SEC24B: variants seen among roughly 807,000 people sequenced by gnomAD.
SEC24B encodes SEC24 homolog B, COPII component.
A neutral mutation model predicts 142.8 loss-of-function variants in SEC24B; 45 were observed. The observed-to-expected ratio is 0.32, with a 90% CI of 0.25 to 0.40. The LOEUF (loss-of-function observed/expected upper bound fraction) is 0.40, where lower values mean the gene tolerates loss of function less well. Among genes scored for constraint, SEC24B ranks in the 10% least tolerant of loss-of-function variants. The pLI is 1.00. For synonymous variants in SEC24B, 574 were observed against 568.2 expected, an observed-to-expected ratio of 1.01 and a Z score of -0.15; for missense variants, 1,409 against 1,526.8, an observed-to-expected ratio of 0.92 and a Z score of 1.29.
chr4:109,511,020 A>G (rs1561156754), intron 8 of SEC24B, among the ~76,000 whole-genome samples: 1 of 152,072 alleles, frequency 6.6e-6, no homozygotes, highest in Non-Finnish European at 1.5e-5. Context: ...TGTGATAAGT[A>G]CCGTGAATTT....
chr4:109,528,426 A>G (rs950476605), intron 18 of SEC24B, among the ~76,000 whole-genome samples: 5 of 142,284 alleles, frequency 3.5e-5, no homozygotes, highest in African/African-American at 1.4e-4. Context: ...GTGAGACTGC[A>G]TCTCAAAAAA....
At chr4:109,521,396 A>T in intron 13 of SEC24B, 24 bp from the exon 14 acceptor site, 2 of 1,578,852 alleles carry the variant, frequency 1.3e-6, no homozygotes, top group Non-Finnish European at 1.7e-6. Context: ...TCAGTAATTC[A>T]ATTTTTGATC....
intron 1 of SEC24B, among the ~76,000 whole-genome samples, chr4:109,442,202 A>G (rs989302208): frequency 6.6e-6 from 1 of 152,068 alleles, no homozygotes; most frequent in Non-Finnish European, 1.5e-5. Context: ...GTGTATACTG[A>G]CCACTAAATG....
chr4:109,483,055 T>TA (rs1733969360), intron 4 of SEC24B, among the ~76,000 whole-genome samples: 1 of 115,088 alleles, frequency 8.7e-6, no homozygotes, highest in African/African-American at 6.9e-5. Flanking sequence ...TATTTATGTA[T>TA]TTATATATAT....
chr4:109,520,591 C>CT, intron 12 of SEC24B, 107 bp downstream of exon 12: 1 of 745,576 alleles, frequency 1.3e-6, no homozygotes, highest in Non-Finnish European at 2.4e-6. Context: ...ATGTCATGCA[C>CT]TTTAGTATTT....
rs777180153 is a variant in SEC24B at position 109,539,692 on chromosome 4, A to G, written c.*17A>G. ...TGTAAGTGAAGTAGAATAAAATTGA[A>G]TAAGAAAAAGATCTATAACCTAGGT... On this transcript the variant is annotated 3_prime_UTR_variant, in exon 24 of 24. Coordinates refer to ENST00000265175, the MANE Select transcript of SEC24B (RefSeq NM_006323.5). 4.6e-6 allele frequency: 7 copies of G among 1,513,442 alleles called. No individual in the cohort carries two copies. Among genetic ancestry groups the G allele is most frequent in the Middle Eastern group, 1.8e-4 (1 of 5,470 alleles). The allele number at this position is 1,513,442 out of a possible 1,614,324, so 93.8% of individuals were successfully genotyped here. A position where few individuals can be genotyped will look rare whatever the true frequency, so the allele number is the denominator to read the frequency against.
At chr4:109,473,730 A>C (rs1732775330) in intron 3 of SEC24B, among the ~76,000 whole-genome samples, 1 of 152,204 alleles carries the variant, frequency 6.6e-6, no homozygotes, top group Non-Finnish European at 1.5e-5. Flanking sequence ...AAAGGTAATA[A>C]AATGTGTTGT....
chr4:109,535,369 T>C (rs893520602), intron 22 of SEC24B, among the ~76,000 whole-genome samples: 37 of 151,738 alleles, frequency 2.4e-4, no homozygotes, highest in African/African-American at 8.0e-4. Flanking sequence ...CTGGCCAACA[T>C]GGTGAAACCC....
chr4:109,528,132 C>T (rs570891872), intron 18 of SEC24B, among the ~76,000 whole-genome samples: 2 of 152,226 alleles, frequency 1.3e-5, no homozygotes, highest in East Asian at 1.9e-4. Flanking sequence ...TGTGGTGGCT[C>T]ATGCCTGTAA....
At chr4:109,458,972 C>T (rs1263734052) in intron 1 of SEC24B, among the ~76,000 whole-genome samples, 2 of 151,830 alleles carry the variant, frequency 1.3e-5, no homozygotes, top group African/African-American at 2.4e-5. Flanking sequence ...TATTAAAATA[C>T]CAGCAGTCTT....
At chr4:109,530,895 CAAAAAAAAAA>C (rs35997146) in intron 19 of SEC24B, among the ~76,000 whole-genome samples, 3 of 46,340 alleles carry the variant, frequency 6.5e-5, no homozygotes, top group Admixed American at 2.8e-4. Context: ...GACTCCGTCT[CAAAAAAAAAA>C]AAAAAAAAAA....
At chr4:109,513,435 C>T (rs1030929321) in intron 9 of SEC24B, among the ~76,000 whole-genome samples, 4 of 151,966 alleles carry the variant, frequency 2.6e-5, no homozygotes, top group African/African-American at 9.7e-5. Context: ...AGGCGCACAC[C>T]ACTATGCCTG....
At chr4:109,442,360 T>C (rs889323841) in intron 1 of SEC24B, among the ~76,000 whole-genome samples, 4 of 152,180 alleles carry the variant, frequency 2.6e-5, no homozygotes, top group Non-Finnish European at 5.9e-5. Flanking sequence ...CATTACCAAC[T>C]GATTCAGAGC....
chr4:109,463,443 T>G lies in SEC24B; in HGVS notation c.676T>G (p.Ser226Ala). ...APTVRPVKDN[S>A]FSGQNTAISH... The stretch of plus-strand genomic sequence containing the variant: ...GACTGTTAGGCCAGTTAAAGATAAT[T>G]CATTCTCTGGTCAAAATACAGCTAT... Residue 226 changes from serine (S) to alanine (A), a missense_variant, in exon 2 of 24, where the codon TCA (serine) becomes GCA (alanine). Physicochemically the swap from Ser to Ala is moderately conservative, Grantham distance 99 (BLOSUM62 1). This residue lies in a region of SEC24B where 709 missense variants were observed against 673.5 expected (regional missense o/e 1.05). Coordinates refer to ENST00000265175, the MANE Select transcript of SEC24B (RefSeq NM_006323.5). 2 of 1,614,140 alleles carry G rather than the reference T, an allele frequency of 1.2e-6. No homozygotes were observed. Among genetic ancestry groups the G allele is most frequent in the East Asian group, 2.2e-5 (1 of 44,884 alleles).
At chr4:109,521,863 C>T (rs957924077) in intron 14 of SEC24B, among the ~76,000 whole-genome samples, 3 of 151,746 alleles carry the variant, frequency 2.0e-5, no homozygotes, top group Non-Finnish European at 4.4e-5. Context: ...TCCTGAGTAG[C>T]TGGGATTACA....
intron 11 of SEC24B, among the ~76,000 whole-genome samples, chr4:109,519,117 A>G (rs1225589751): frequency 6.6e-6 from 1 of 152,064 alleles, no homozygotes; most frequent in Non-Finnish European, 1.5e-5. Context: ...GTCTTTAAAT[A>G]CCAAGTTTTA....
At chr4:109,462,835 A>T in intron 1 of SEC24B, 66 bp from the exon 2 acceptor site, 1 of 1,240,458 alleles carries the variant, frequency 8.1e-7, no homozygotes, top group Non-Finnish European at 1.1e-6. Flanking sequence ...TTCAATATTT[A>T]AATGGGGGCT....
At chr4:109,472,671 A>G (rs966279653) in intron 2 of SEC24B, among the ~76,000 whole-genome samples, 1 of 152,154 alleles carries the variant, frequency 6.6e-6, no homozygotes, top group African/African-American at 2.4e-5. Context: ...GATCATTAGT[A>G]AATAAAAGCT....
chr4:109,508,902 G>A (rs1178547804), intron 7 of SEC24B, among the ~76,000 whole-genome samples: 1 of 152,160 alleles, frequency 6.6e-6, no homozygotes, highest in African/African-American at 2.4e-5. Context: ...GTGTACTGGG[G>A]ATAAAGTTGT....
Sources: allele counts gnomAD v4.1 joint callset (sites outside exome capture counted in the v4.1 genomes callset), GRCh38; gene constraint gnomAD v4.1.1; regional missense constraint gnomAD v4.1.1; transcripts MANE v1.5; gene names NCBI Gene and HGNC (gene_info 2026-07-23, HGNC 2026-07-21).